Variants in ITPR2 observed in about 807,000 individuals in gnomAD.
ITPR2 encodes the protein inositol 1,4,5-trisphosphate-gated calcium channel ITPR2.
Under a neutral mutation model 317.1 loss-of-function variants are expected in ITPR2, and 207 were observed. The ratio of observed to expected loss-of-function variants is 0.65; its 90% confidence interval spans 0.58 to 0.73. The LOEUF (loss-of-function observed/expected upper bound fraction) is 0.73, where lower values mean the gene tolerates loss of function less well. Among genes scored for constraint, ITPR2 ranks in the 30% least tolerant of loss-of-function variants. The probability of loss-of-function intolerance (pLI) is 0.00; values close to 1 mark genes in which losing one functional copy is unlikely to be tolerated. For missense variants in ITPR2, 2,613 were observed against 3,284.0 expected (o/e 0.80, Z 4.99); for synonymous variants, 1,156 against 1,149.1 (o/e 1.01, Z -0.12).
chr12:26,429,355 T>A (rs1941147493), intron 48 of ITPR2, among the ~76,000 whole-genome samples: 1 of 152,222 alleles, frequency 6.6e-6, no homozygotes, highest in Non-Finnish European at 1.5e-5. Flanking sequence ...AAATTTATAA[T>A]CTGATAAGAT....
At chr12:26,430,689 C>CA (rs1169653435) in intron 48 of ITPR2, among the ~76,000 whole-genome samples, 1 of 152,080 alleles carries the variant, frequency 6.6e-6, no homozygotes, top group African/African-American at 2.4e-5. Flanking sequence ...TTTAATAATA[C>CA]AAAAAGTTTT....
At chr12:26,549,754 A>G (rs1944479549) in intron 37 of ITPR2, among the ~76,000 whole-genome samples, 1 of 152,048 alleles carries the variant, frequency 6.6e-6, no homozygotes, top group African/African-American at 2.4e-5. Flanking sequence ...TCAAGTTAAT[A>G]TAGTTAAGAA....
intron 45 of ITPR2, among the ~76,000 whole-genome samples, chr12:26,450,274 G>A (rs1273363739): frequency 6.6e-6 from 1 of 152,108 alleles, no homozygotes; most frequent in African/African-American, 2.4e-5. Flanking sequence ...GGCAGCCCTA[G>A]GAAGTTAACA....
chr12:26,562,073 T>G, intron 34 of ITPR2, 121 bp from the exon 35 acceptor site: 1 of 651,844 alleles, frequency 1.5e-6, no homozygotes, highest in Non-Finnish European at 2.3e-6. Flanking sequence ...TGCCATTAAC[T>G]TGTTTTATAT....
chr12:26,383,961 A>T (rs10505998), intron 55 of ITPR2, among the ~76,000 whole-genome samples: 11,258 of 152,290 alleles, frequency 0.074, 563 homozygotes, highest in Non-Finnish European at 0.11. Flanking sequence ...AATCCATGAA[A>T]GTAAAAGCAA....
intron 34 of ITPR2, among the ~76,000 whole-genome samples, chr12:26,566,226 AAGG>A (rs1944980559): frequency 1.1e-5 from 1 of 92,582 alleles, no homozygotes; most frequent in East Asian, 4.2e-4. Context: ...AGAGGAGAAG[AAGG>A]AGGAGGAAAG....
intron 52 of ITPR2, among the ~76,000 whole-genome samples, chr12:26,402,435 C>T (rs200944412): frequency 7.2e-5 from 11 of 152,094 alleles, no homozygotes; most frequent in Admixed American, 2.0e-4. Flanking sequence ...AGCACATAAA[C>T]GCTACAGGAG....
At position 26,340,249 on chromosome 12, in the gene ITPR2, A is replaced by C; in HGVS notation, c.7937T>G (p.Ile2646Ser). 1 of 1,611,900 alleles carries C rather than the reference A, an allele frequency of 6.2e-7. No homozygotes were observed. The change falls in exon 56 of 57, where the codon ATT becomes AGT. Residue 2646 changes from isoleucine (I) to serine (S), a missense_variant. By Grantham distance (142) the Ile-to-Ser change is moderately radical (BLOSUM62 -2). This residue lies in a region of ITPR2 where 119 missense variants were observed against 144.3 expected (regional missense o/e 0.82). Transcript: ENST00000381340. Reference sequence around the variant, plus strand: ...TTCCAACTTCTCCTGAAGGCTCCGAATTTCATTTTGCTCACTGTCGCCTTC... The same window carrying C: ...TTCCAACTTCTCCTGAAGGCTCCGACTTTCATTTTGCTCACTGTCGCCTTC... ...SNEGDSEQNEIRSLQEKLEST... is the reference protein window; with the variant it reads ...SNEGDSEQNESRSLQEKLEST...
At chr12:26,768,134 G>A (rs1949756952) in intron 2 of ITPR2, among the ~76,000 whole-genome samples, 1 of 152,122 alleles carries the variant, frequency 6.6e-6, no homozygotes, top group South Asian at 2.1e-4. Flanking sequence ...TAATGTAGAT[G>A]ACAGGTTGAT....
In ITPR2 at chr12:26,621,316, A is replaced by G. The variant is rs1043809638; in HGVS notation, c.3289-20T>C. 1.9e-6 allele frequency: 3 copies of G among 1,573,436 alleles called. No homozygotes were observed. Among genetic ancestry groups the G allele is most frequent in the Non-Finnish European group, 1.7e-6 (2 of 1,151,832 alleles). On this transcript the variant is annotated intron_variant, in intron 25 of 56. Coordinates refer to ENST00000381340, the MANE Select transcript of ITPR2 (RefSeq NM_002223.4). The stretch of plus-strand genomic sequence containing the variant: ...TTGCACCTAAAACAGAAGAATTTCA[A>G]TCTTAGTTGAAGTTCACTATTTCTA...
chr12:26,424,131 C>T (rs1940974763), intron 49 of ITPR2, among the ~76,000 whole-genome samples: 2 of 152,140 alleles, frequency 1.3e-5, no homozygotes, highest in Non-Finnish European at 2.9e-5. Flanking sequence ...TTAAAGGGTG[C>T]TTCATGTATT....
chr12:26,427,828 A>T (rs1355413353), intron 49 of ITPR2, 85 bp downstream of exon 49: 1 of 851,070 alleles, frequency 1.2e-6, no homozygotes, highest in Non-Finnish European at 1.6e-6. Flanking sequence ...TGCATACATG[A>T]ATTAAAAGCT....
chr12:26,517,552 T>G (rs1360752689), intron 37 of ITPR2, among the ~76,000 whole-genome samples: 2 of 152,134 alleles, frequency 1.3e-5, no homozygotes, highest in Non-Finnish European at 2.9e-5. Context: ...AACTAACAGA[T>G]GCTGACCGGG....
At chr12:26,548,050 A>ACT (rs1170286358) in intron 37 of ITPR2, among the ~76,000 whole-genome samples, 27 of 152,156 alleles carry the variant, frequency 1.8e-4, no homozygotes, top group Non-Finnish European at 5.9e-5. Flanking sequence ...CCTCTCTGGG[A>ACT]CTCTGTGGCA....
chr12:26,797,979 A>C (rs1950483094), intron 1 of ITPR2, among the ~76,000 whole-genome samples: 1 of 152,070 alleles, frequency 6.6e-6, no homozygotes, highest in Non-Finnish European at 1.5e-5. Context: ...GGTGTGAGCC[A>C]CTGCGCCCAG....
At chr12:26,670,395 A>G (rs563552679) in intron 13 of ITPR2, among the ~76,000 whole-genome samples, 41 of 152,272 alleles carry the variant, frequency 2.7e-4, no homozygotes, top group African/African-American at 9.9e-4. Flanking sequence ...GGTTCACGAA[A>G]AACTGCTGTT....
At chr12:26,613,177 T>C (rs1222035593) in intron 26 of ITPR2, among the ~76,000 whole-genome samples, 1 of 152,136 alleles carries the variant, frequency 6.6e-6, no homozygotes, top group Non-Finnish European at 1.5e-5. Flanking sequence ...GGGACTGAAA[T>C]GTACACTTTA....
At chr12:26,397,629 C>T (rs1180490109) in intron 54 of ITPR2, among the ~76,000 whole-genome samples, 1 of 152,108 alleles carries the variant, frequency 6.6e-6, no homozygotes, top group Non-Finnish European at 1.5e-5. Context: ...CATAATATTA[C>T]ACATTATTAC....
intron 2 of ITPR2, among the ~76,000 whole-genome samples, chr12:26,783,428 C>A (rs549463910): frequency 6.6e-6 from 1 of 152,296 alleles, no homozygotes; most frequent in South Asian, 2.1e-4. Context: ...CTGGGTTCTC[C>A]ATTACTTCCG....
Sources: gnomAD v4.1 joint callset for allele counts (sites outside exome capture counted in the v4.1 genomes callset) on GRCh38, gnomAD v4.1.1 for gene constraint, gnomAD v4.1.1 regional missense constraint, MANE v1.5 for transcripts, NCBI Gene and HGNC (gene_info 2026-07-23, HGNC 2026-07-21) for gene names.